Variants in STX1B observed in about 807,000 individuals in gnomAD.
STX1B encodes the protein syntaxin-1B.
Under a neutral mutation model 39.4 loss-of-function variants are expected in STX1B, and 7 were observed. The ratio of observed to expected loss-of-function variants is 0.18; its 90% CI spans 0.10 to 0.33. STX1B has a LOEUF of 0.33. Among genes scored for constraint, STX1B ranks in the 10% least tolerant of loss-of-function variants. The pLI is 1.00. For synonymous variants in STX1B, 136 were observed against 144.1 expected, an observed-to-expected ratio of 0.94 and a Z score of 0.40; for missense variants, 198 against 383.2, an observed-to-expected ratio of 0.52 and a Z score of 4.04.
chr16:31,010,337 C>T, intron 1 of STX1B, 30 bp downstream of exon 1: 2 of 1,144,500 alleles, frequency 1.7e-6, no homozygotes, highest in Non-Finnish European at 1.2e-6. Context: ...TGGGGTCCCG[C>T]CCCCCCATTC....
chr16:31,010,347 C>G lies in STX1B; in HGVS notation c.30+20G>C. 3.0e-6 allele frequency: 2 copies of G among 657,802 alleles called. No homozygotes were observed. The highest frequency in any genetic ancestry group is 5.1e-6 in the Non-Finnish European group (2 of 391,314). 40.7% of individuals were successfully genotyped at this position (657,802 alleles called of 1,614,324 possible). On this transcript the variant is annotated intron_variant, in intron 1 of 9. Transcript: ENST00000215095. ...AATATTGGGGTCCCGCCCCCCCATT[C>G]TCCCCACCCCCAAGCTCACACTCCG...
Position 30,991,058 on chromosome 16 carries a change from G to A in STX1B, c.*1763C>T, listed in dbSNP as rs1426534703. ...CACACAGTCCTCTCCCAGGTCTGAG[G>A]TGGGTGTGTGAGGAAGGGGTCGTGT... is the stretch of plus-strand genomic sequence containing the variant. On this transcript the variant is annotated 3_prime_UTR_variant, in exon 10 of 10. Coordinates refer to ENST00000215095, the MANE Select transcript of STX1B (RefSeq NM_052874.5). 2 of 152,698 alleles carry A rather than the reference G, an allele frequency of 1.3e-5. No homozygotes were observed. The highest frequency in any genetic ancestry group is 2.9e-5 in the Non-Finnish European group (2 of 68,096). 9.5% of individuals were successfully genotyped at this position (152,698 alleles called of 1,614,324 possible).
In STX1B at chr16:30,992,649, G is replaced by T. The variant is rs959155695; in HGVS notation, c.*172C>A. On this transcript the variant is annotated 3_prime_UTR_variant, in exon 10 of 10. Transcript: ENST00000215095. ...CGATCTACGTGCGGGGACGGGGGGG[G>T]GGTCCATGGCCCGGTGAGGTCCAGG... 29 of 489,302 alleles carry T rather than the reference G, an allele frequency of 5.9e-5. No individual in the cohort carries two copies. The highest frequency in any genetic ancestry group is 5.1e-4 in the Middle Eastern group (1 of 1,942). The allele number at this position is 489,302 out of a possible 1,614,324, so 30.3% of individuals were successfully genotyped here. A position where few individuals can be genotyped will look rare whatever the true frequency, so the allele number is the denominator to read the frequency against.
chr16:30,997,418 C>A (rs1157898033), intron 5 of STX1B, 84 bp downstream of exon 5: 1 of 1,077,502 alleles, frequency 9.3e-7, no homozygotes, highest in Non-Finnish European at 1.3e-6. Flanking sequence ...CCCGCCGGTG[C>A]TTGGCCCTGG....
In STX1B at chr16:30,998,022, C is replaced by T. The variant is rs74474326; in HGVS notation, c.281-447G>A. ...CTTTTTTCTGATGGAAGGCAGTCAC[C>T]TCCAGGTGGATCAGGTTCTAGTGGC... is the stretch of plus-strand genomic sequence containing the variant. On this transcript the variant is annotated intron_variant, in intron 4 of 9. Transcript: ENST00000215095. 5.1e-3 allele frequency among the ~76,000 whole-genome samples: 771 copies of T among 152,330 alleles called. 52 individuals carry two copies. In the East Asian group the frequency reaches 0.12, roughly 23 times the overall value.
Position 30,990,088 on chromosome 16 carries a change from A to G in STX1B, c.*2733T>C, listed in dbSNP as rs1292199680. 6.6e-6 allele frequency: 1 copy of G among 152,272 alleles called. No individual in the cohort carries two copies. The highest frequency in any genetic ancestry group is 1.5e-5 in the Non-Finnish European group (1 of 68,070). 9.4% of individuals were successfully genotyped at this position (152,272 alleles called of 1,614,324 possible). A position where few individuals can be genotyped will look rare whatever the true frequency, so the allele number is the denominator to read the frequency against. On this transcript the variant is annotated 3_prime_UTR_variant, in exon 10 of 10. Transcript: ENST00000215095. ...CAGACCCTTAGAGATCCCCTGGTCC[A>G]CCTGAGGCCCAGAGATGGGCAGCTG...
Position 30,990,886 on chromosome 16 carries a change from GAGA to G in STX1B, c.*1932_*1934del, listed in dbSNP as rs2056552595. 1 of 152,224 alleles carries G rather than the reference GAGA, an allele frequency of 6.6e-6. No homozygotes were observed. The highest frequency in any genetic ancestry group is 2.4e-5 in the African/African-American group (1 of 41,458). The allele number at this position is 152,224 out of a possible 1,614,324, so 9.4% of individuals were successfully genotyped here. Reference sequence around the variant, plus strand: ...GGGGAGCAGCCTGAGGGTTCAGCAGGAGAGGTGTCGGGGATGGGTCTCAGGACC... The same window carrying G: ...GGGGAGCAGCCTGAGGGTTCAGCAGGGGTGTCGGGGATGGGTCTCAGGACC... On this transcript the variant is annotated 3_prime_UTR_variant, in exon 10 of 10. Transcript: ENST00000215095.
rs1024168122 is a variant in STX1B, at chr16:31,010,492, C to CG, written c.-97dup. On this transcript the variant is annotated 5_prime_UTR_variant, in exon 1 of 10. Transcript: ENST00000215095. ...GCCGGAGGCCGGGGTCTGGGGGCGC[C>CG]GGGGGGCGCCGCGGCCGCTGCGGGG... is the stretch of plus-strand genomic sequence containing the variant. 2.0e-4 allele frequency: 124 copies of CG among 605,766 alleles called. No individual in the cohort carries two copies. Among genetic ancestry groups the CG allele is most frequent in the South Asian group, 2.9e-4 (4 of 13,982 alleles). 37.5% of individuals were successfully genotyped at this position (605,766 alleles called of 1,614,324 possible).
chr16:30,997,477 C>T, intron 5 of STX1B, 25 bp downstream of exon 5: 3 of 1,585,916 alleles, frequency 1.9e-6, no homozygotes, highest in Non-Finnish European at 2.6e-6. Context: ...CCCGACCCGA[C>T]CCCCAATGGG....
At chr16:31,009,392 T>C (rs2056669722) in intron 1 of STX1B, among the ~76,000 whole-genome samples, 1 of 151,968 alleles carries the variant, frequency 6.6e-6, no homozygotes. Flanking sequence ...CTGTAAAGGC[T>C]CAGTGCATTG....
chr16:30,996,190 GAA>G, intron 7 of STX1B: 1 of 151,784 alleles, frequency 6.6e-6, no homozygotes, highest in South Asian at 2.1e-4. Flanking sequence ...AAAAAAAAAA[GAA>G]AAAAAGTTTT....
intron 7 of STX1B, among the ~76,000 whole-genome samples, chr16:30,995,390 T>C (rs1279991306): frequency 1.3e-5 from 2 of 152,122 alleles, no homozygotes; most frequent in Non-Finnish European, 2.9e-5. Context: ...ACCAGAGTCA[T>C]TTTGCCACCA....
chr16:31,003,541 C>A (rs941237563), intron 1 of STX1B, among the ~76,000 whole-genome samples: 2 of 152,210 alleles, frequency 1.3e-5, no homozygotes, highest in African/African-American at 4.8e-5. Flanking sequence ...GCAGGTCATG[C>A]GGCCTCTCCC....
chr16:30,995,025 C>T (rs1253877669), intron 7 of STX1B, among the ~76,000 whole-genome samples: 4 of 151,628 alleles, frequency 2.6e-5, no homozygotes, highest in Non-Finnish European at 5.9e-5. Flanking sequence ...AATCCTTCCA[C>T]CTTAGCCTCC....
rs1180495968 is a variant in STX1B, at chr16:31,000,954, G to A, written c.254C>T (p.Ala85Val). ...TTTCAATTTGGACCGAACCTTGTTG[G>A]CCGTCTTCTTGATGTCTGCAGTGAG... Reference protein sequence around the residue: ...EDLTADIKKTANKVRSKLKAI... With the variant: ...EDLTADIKKTVNKVRSKLKAI... Residue 85 changes from alanine (A) to valine (V), a missense_variant, in exon 4 of 10, where the codon GCC (alanine) becomes GTC (valine). Coordinates refer to ENST00000215095, the MANE Select transcript of STX1B (RefSeq NM_052874.5). 6.2e-7 allele frequency: 1 copy of A among 1,614,104 alleles called. No homozygotes were observed. The highest frequency in any genetic ancestry group is 1.7e-5 in the Admixed American group (1 of 60,002).
Position 30,989,581 on chromosome 16 carries a change from AAC to A in STX1B, c.*3238_*3239del, listed in dbSNP as rs901847050. ...AAGGGGGCAGGGGCTCATGTCAGCA[AAC>A]ACGGCTACATCACGTGACACGCCAG... is the stretch of plus-strand genomic sequence containing the variant. On this transcript the variant is annotated 3_prime_UTR_variant, in exon 10 of 10. Transcript: ENST00000215095. 2 of 152,360 alleles carry A rather than the reference AAC, an allele frequency of 1.3e-5. No individual in the cohort carries two copies. Among genetic ancestry groups the A allele is most frequent in the Non-Finnish European group, 2.9e-5 (2 of 68,156 alleles). 9.4% of individuals were successfully genotyped at this position (152,360 alleles called of 1,614,324 possible). A position where few individuals can be genotyped will look rare whatever the true frequency, so the allele number is the denominator to read the frequency against.
chr16:30,994,279 G>A lies in STX1B; in HGVS notation c.538-795C>T, dbSNP rs537959441. Among the ~76,000 whole-genome samples, 58 of 108,518 alleles carry A rather than the reference G, an allele frequency of 5.3e-4. No homozygotes were observed. The South Asian group carries it at 0.02, about 38-fold the overall frequency. 71.2% of individuals were successfully genotyped at this position (108,518 alleles called of 152,430 possible). ...TGCACTCCAGCCTGAGCCACAGAGC[G>A]AGACTCCGTCTCAAAAAAAAAAAAA... On this transcript the variant is annotated intron_variant, in intron 7 of 9. Coordinates refer to ENST00000215095, the MANE Select transcript of STX1B (RefSeq NM_052874.5).
At chr16:31,006,095 CAG>C (rs1311840754) in intron 1 of STX1B, among the ~76,000 whole-genome samples, 2 of 152,170 alleles carry the variant, frequency 1.3e-5, no homozygotes, top group African/African-American at 4.8e-5. Flanking sequence ...ACAGAAAAGT[CAG>C]AGAGAGTGTG....
chr16:30,999,671 G>A (rs1372833564), intron 4 of STX1B, among the ~76,000 whole-genome samples: 1 of 152,334 alleles, frequency 6.6e-6, no homozygotes, highest in Middle Eastern at 3.4e-3. Flanking sequence ...CAAGGATACC[G>A]ATTCAGAGGC....
Sources: gnomAD v4.1 joint callset for allele counts (sites outside exome capture counted in the v4.1 genomes callset) on GRCh38, gnomAD v4.1.1 for gene constraint, MANE v1.5 for transcripts, NCBI Gene and HGNC (gene_info 2026-07-23, HGNC 2026-07-21) for gene names.